FLNB: variants seen among roughly 807,000 people sequenced by gnomAD.
FLNB encodes the protein filamin B.
In FLNB, 111 loss-of-function variants were observed where a neutral mutation model predicts 250.6. That is an observed-to-expected ratio of 0.44 (90% confidence interval 0.38 to 0.52). FLNB has a LOEUF of 0.52. FLNB is among the 20% of genes least tolerant of loss of function. The pLI is 0.00. For missense variants in FLNB, 2,869 were observed against 3,447.8 expected (o/e 0.83, Z 4.20); for synonymous variants, 1,302 against 1,372.1 (o/e 0.95, Z 1.13).
At chr3:58,069,652 A>C (rs1421930029) in intron 1 of FLNB, among the ~76,000 whole-genome samples, 1 of 152,002 alleles carries the variant, frequency 6.6e-6, no homozygotes, top group Admixed American at 6.6e-5. Flanking sequence ...CCCTCAGAGC[A>C]ACACCAAGAA....
chr3:58,148,746 C>A lies in FLNB; in HGVS notation c.5985C>A (p.Val1995=). 1 of 1,614,098 alleles carries A rather than the reference C, an allele frequency of 6.2e-7. No homozygotes were observed. The highest frequency in any genetic ancestry group is 8.5e-7 in the Non-Finnish European group (1 of 1,180,016). ...ACAGCCCCGTGTCTATCATGGTGGTCCAGTCGGAGATTGGTGACGCCCGCC... is the reference window on the plus strand; with the variant it reads ...ACAGCCCCGTGTCTATCATGGTGGTACAGTCGGAGATTGGTGACGCCCGCC... The part of the protein sequence containing the change: ...VANSPVSIMV[V]QSEIGDARRA... The change falls in exon 36 of 46, where the codon GTC becomes GTA. Residue 1995 remains valine, a synonymous_variant. Transcript: ENST00000295956.
intron 29 of FLNB, among the ~76,000 whole-genome samples, chr3:58,141,361 C>T (rs143835339): frequency 2.0e-3 from 298 of 152,368 alleles, no homozygotes; most frequent in South Asian, 3.9e-3. Context: ...CCTACTTACA[C>T]TTCACACACC....
chr3:58,032,129 G>T (rs1199079245), intron 1 of FLNB, among the ~76,000 whole-genome samples: 1 of 150,832 alleles, frequency 6.6e-6, no homozygotes, highest in Non-Finnish European at 1.5e-5. Context: ...ATTTTTGGTA[G>T]AGACAGGGTT....
intron 1 of FLNB, among the ~76,000 whole-genome samples, chr3:58,020,048 GGTGTGTGTGTGTGTGTGTGTGTGT>G (rs373280518): frequency 7.9e-4 from 108 of 136,996 alleles, no homozygotes; most frequent in African/African-American, 2.8e-3. Flanking sequence ...ACACCACAGG[GGTGTGTGTGTGTGTGTGTGTGTGT>G]GTGTGTGTGT....
intron 1 of FLNB, among the ~76,000 whole-genome samples, chr3:58,057,215 A>G (rs544478877): frequency 3.3e-5 from 5 of 152,216 alleles, no homozygotes; most frequent in Middle Eastern, 3.4e-3. Context: ...AGCTCAAGCA[A>G]TCCACCCACT....
chr3:58,046,420 A>C (rs1248620366), intron 1 of FLNB, among the ~76,000 whole-genome samples: 4 of 152,022 alleles, frequency 2.6e-5, no homozygotes, highest in Non-Finnish European at 4.4e-5. Flanking sequence ...ATATTCACAG[A>C]ATTATGCAAC....
intron 28 of FLNB, 59 bp downstream of exon 28, chr3:58,136,227 G>A (rs934836438): frequency 1.2e-4 from 189 of 1,551,266 alleles, no homozygotes; most frequent in African/African-American, 1.8e-4. Context: ...AAGCCGGGCC[G>A]TAGCCCTTCT....
intron 6 of FLNB, 114 bp from the exon 7 acceptor site, chr3:58,097,701 T>C: frequency 9.5e-7 from 1 of 1,052,026 alleles, no homozygotes; most frequent in Non-Finnish European, 1.4e-6. Context: ...AGACACCTTG[T>C]GTGTGCCATC....
intron 1 of FLNB, among the ~76,000 whole-genome samples, chr3:58,057,296 A>G (rs918072795): frequency 6.6e-6 from 1 of 152,230 alleles, no homozygotes; most frequent in African/African-American, 2.4e-5. Flanking sequence ...TTCTATAAAT[A>G]GCAAAGTTAG....
At position 58,136,736 on chromosome 3, in the gene FLNB, A is replaced by G. The variant is rs760816917; in HGVS notation, c.4861+568A>G. 5.8e-5 allele frequency among the ~76,000 whole-genome samples: 8 copies of G among 138,162 alleles called. No homozygotes were observed. The South Asian group carries it at 9.6e-4, about 17-fold the overall frequency. 90.6% of individuals were successfully genotyped at this position (138,162 alleles called of 152,430 possible). On this transcript the variant is annotated intron_variant, in intron 28 of 45. Transcript: ENST00000295956. ...TTCTAAGACACAACTATTGACTGTCACAGGCCATTCTTTTTTTTTTTTTTT... is the reference window on the plus strand; with the variant it reads ...TTCTAAGACACAACTATTGACTGTCGCAGGCCATTCTTTTTTTTTTTTTTT...
chr3:58,050,621 G>A lies in FLNB; in HGVS notation c.293-26425G>A, dbSNP rs76125330. 4.9e-3 allele frequency among the ~76,000 whole-genome samples: 749 copies of A among 152,290 alleles called. 4 individuals carry two copies. Among genetic ancestry groups the A allele is most frequent in the African/African-American group, 0.017 (720 of 41,548 alleles). ...TACTGATTACCTGCACACTATACCA[G>A]TGAGGACTCATGGGTGAGCAGATGG... On this transcript the variant is annotated intron_variant, in intron 1 of 45. Transcript: ENST00000295956.
Position 58,067,578 on chromosome 3 carries a change from TTTGTTTG to T in FLNB, c.293-9465_293-9459del, listed in dbSNP as rs368700198. ...TAACCACTGTAACAAAGAGGTTTTT[TTTGTTTG>T]TTTTTTTGTTTTTTTTTTGTTTTTT... On this transcript the variant is annotated intron_variant, in intron 1 of 45. Transcript: ENST00000295956. 8.6e-4 allele frequency among the ~76,000 whole-genome samples: 102 copies of T among 118,818 alleles called. 1 individual carries two copies. Among genetic ancestry groups the T allele is most frequent in the Non-Finnish European group, 1.1e-3 (65 of 57,914 alleles). 77.9% of individuals were successfully genotyped at this position (118,818 alleles called of 152,430 possible). A position where few individuals can be genotyped will look rare whatever the true frequency, so the allele number is the denominator to read the frequency against.
rs1231913720 is a variant in FLNB at position 58,154,771 on chromosome 3, A to T, written c.6635-20A>T. ...GCTCTGTGGGGCTCAGTCACTAACCAGGTTTCTCTTTGCTCTCAGCTGAGT... is the reference window on the plus strand; with the variant it reads ...GCTCTGTGGGGCTCAGTCACTAACCTGGTTTCTCTTTGCTCTCAGCTGAGT... On this transcript the variant is annotated intron_variant, in intron 39 of 45. Transcript: ENST00000295956. 2 of 1,613,462 alleles carry T rather than the reference A, an allele frequency of 1.2e-6. No individual in the cohort carries two copies. Among genetic ancestry groups the T allele is most frequent in the African/African-American group, 1.3e-5 (1 of 74,992 alleles).
Position 58,136,029 on chromosome 3 carries a change from C to T in FLNB, c.4722C>T (p.Gly1574=), listed in dbSNP as rs2097315250. The T allele has an allele frequency of 6.2e-7, 1 of 1,614,214 alleles. No individual in the cohort carries two copies. Among genetic ancestry groups the T allele is most frequent in the Non-Finnish European group, 8.5e-7 (1 of 1,180,034 alleles). The part of the protein sequence containing the change: ...KRAIVHDNKD[G]TYAVTYIPDK... ...CCATTGTCCATGACAATAAAGATGG[C>T]ACGTATGCTGTCACCTACATCCCCG... Residue 1574 remains glycine, a synonymous_variant, in exon 28 of 46, where the codon GGC becomes GGT. Transcript: ENST00000295956.
chr3:58,142,000 T>A, intron 30 of FLNB, 71 bp downstream of exon 30: 1 of 1,345,746 alleles, frequency 7.4e-7, no homozygotes, highest in Non-Finnish European at 1.1e-6. Context: ...ATCTGCCATC[T>A]GCTTCTGGGA....
chr3:58,049,425 C>A (rs1026353819), intron 1 of FLNB, among the ~76,000 whole-genome samples: 2 of 151,940 alleles, frequency 1.3e-5, no homozygotes, highest in Non-Finnish European at 2.9e-5. Context: ...AAGAATGTGC[C>A]CTTGCTAGGT....
At chr3:58,021,073 T>G (rs1309349984) in intron 1 of FLNB, among the ~76,000 whole-genome samples, 1 of 152,140 alleles carries the variant, frequency 6.6e-6, no homozygotes, top group East Asian at 1.9e-4. Flanking sequence ...ACACTTCTTG[T>G]GCGTATCACC....
chr3:58,123,511 T>C lies in FLNB; in HGVS notation c.3545T>C (p.Ile1182Thr). The change falls in exon 21 of 46, where the codon ATT becomes ACT. Residue 1182 changes from isoleucine (I) to threonine (T), a missense_variant. Ile to Thr is a moderately conservative substitution (Grantham distance 89, BLOSUM62 -1). Transcript: ENST00000295956. ...TCGGGAACAAAAGCCGAAGTCAGTA[T>C]TCAGAACAACAAAGATGGCACCTAC... ...SDSGTKAEVS[I>T]QNNKDGTYAV... is the part of the protein sequence containing the mutation. The C allele has an allele frequency of 6.2e-7, 1 of 1,604,360 alleles. No homozygotes were observed. Among genetic ancestry groups the C allele is most frequent in the Non-Finnish European group, 8.5e-7 (1 of 1,174,894 alleles).
intron 1 of FLNB, among the ~76,000 whole-genome samples, chr3:58,050,350 A>C (rs966474566): frequency 3.3e-5 from 5 of 152,098 alleles, no homozygotes; most frequent in African/African-American, 9.7e-5. Context: ...TTAAAGGGTA[A>C]TTTGCTGTGC....
Sources: allele counts gnomAD v4.1 joint callset (sites outside exome capture counted in the v4.1 genomes callset), GRCh38; gene constraint gnomAD v4.1.1; transcripts MANE v1.5; gene names NCBI Gene and HGNC (gene_info 2026-07-23, HGNC 2026-07-21).